Variants in RPAP2 observed in about 807,000 individuals in gnomAD.
RPAP2 encodes RNA polymerase II associated protein 2.
In RPAP2, 52 loss-of-function variants were observed where a neutral mutation model predicts 73.1. The observed-to-expected ratio is 0.71, with a 90% CI of 0.57 to 0.90. The LOEUF (loss-of-function observed/expected upper bound fraction) is 0.90, where lower values mean the gene tolerates loss of function less well. RPAP2 is among the 40% of genes least tolerant of loss of function. The probability of loss-of-function intolerance (pLI) is 0.00; values close to 1 mark genes in which losing one functional copy is unlikely to be tolerated. For missense variants in RPAP2, 598 were observed against 701.8 expected (o/e 0.85, Z 1.67); for synonymous variants, 225 against 242.1 (o/e 0.93, Z 0.65).
chr1:92,382,664 A>T lies in RPAP2; in HGVS notation c.1838+1791A>T, dbSNP rs528569550. On this transcript the variant is annotated intron_variant, in intron 12 of 12. Transcript: ENST00000610020. The stretch of plus-strand genomic sequence containing the variant: ...TGTTTGAGTTCATTGTAGATTCTGG[A>T]TATTAGCCCTTTGTCGATGAGTAGG... Among the ~76,000 whole-genome samples, 16 of 152,236 alleles carry T rather than the reference A, an allele frequency of 1.1e-4. No individual in the cohort carries two copies. In the East Asian group the frequency reaches 2.9e-3, roughly 28 times the overall value.
chr1:92,324,506 C>T, intron 8 of RPAP2, 131 bp downstream of exon 8: 2 of 730,744 alleles, frequency 2.7e-6, no homozygotes, highest in Non-Finnish European at 4.4e-6. Context: ...AGTCATTCTG[C>T]CTTTTGGTTT....
intron 7 of RPAP2, among the ~76,000 whole-genome samples, chr1:92,323,209 GAAT>G: frequency 6.6e-6 from 1 of 150,496 alleles, no homozygotes. Context: ...GATGAAGGAA[GAAT>G]ACAGAAGGAG....
At position 92,301,594 on chromosome 1, in the gene RPAP2, T is replaced by C. The variant is rs764090285; in HGVS notation, c.234+4T>C. ...AGAAGAGTTCCTAATGGAGTGTGTA[T>C]GTGTTAAGTTGACAAATTATTAGTT... On this transcript the variant is annotated splice_donor_region_variant and intron_variant, in intron 3 of 12. Transcript: ENST00000610020. 30 of 1,204,498 alleles carry C rather than the reference T, an allele frequency of 2.5e-5. No homozygotes were observed. The South Asian group carries it at 4.5e-4, about 18-fold the overall frequency. 74.6% of individuals were successfully genotyped at this position (1,204,498 alleles called of 1,614,324 possible).
At chr1:92,322,731 G>A (rs1652355861) in intron 7 of RPAP2, among the ~76,000 whole-genome samples, 1 of 151,364 alleles carries the variant, frequency 6.6e-6, no homozygotes, top group Admixed American at 6.6e-5. Context: ...ACAAAAATTA[G>A]CCAGGCGTGG....
intron 11 of RPAP2, among the ~76,000 whole-genome samples, chr1:92,359,931 G>A (rs555635945): frequency 4.6e-4 from 70 of 152,268 alleles, no homozygotes; most frequent in Non-Finnish European, 8.8e-4. Context: ...CAGACACTTT[G>A]AGCACCAACT....
intron 12 of RPAP2, among the ~76,000 whole-genome samples, chr1:92,384,003 A>C (rs1655760497): frequency 6.7e-6 from 1 of 150,264 alleles, no homozygotes; most frequent in Non-Finnish European, 1.5e-5. Flanking sequence ...CTCTGTTGCC[A>C]GGCTGGAATG....
intron 7 of RPAP2, among the ~76,000 whole-genome samples, chr1:92,323,026 T>G (rs952904061): frequency 2.0e-5 from 3 of 146,696 alleles, no homozygotes; most frequent in African/African-American, 7.4e-5. Context: ...CTTTATATTT[T>G]TATATATTTA....
chr1:92,358,270 C>T (rs1266411587), intron 11 of RPAP2, among the ~76,000 whole-genome samples: 4 of 152,098 alleles, frequency 2.6e-5, no homozygotes, highest in South Asian at 4.1e-4. Context: ...TCTCCCATTC[C>T]GGTCACTCTG....
rs1422219391 is a variant in RPAP2 at position 92,401,267 on chromosome 1, C to G, written c.*14256C>G. Reference sequence around the variant, plus strand: ...TCTGTAAAGATCAATTCAATAAAAGCAGCAAACACACATACTTTGCTTTCC... The same window carrying G: ...TCTGTAAAGATCAATTCAATAAAAGGAGCAAACACACATACTTTGCTTTCC... On this transcript the variant is annotated 3_prime_UTR_variant, in exon 13 of 13. Coordinates refer to ENST00000610020, the MANE Select transcript of RPAP2 (RefSeq NM_024813.3). 1 of 152,192 alleles carries G rather than the reference C, an allele frequency of 6.6e-6. No individual in the cohort carries two copies. The highest frequency in any genetic ancestry group is 1.9e-4 in the East Asian group (1 of 5,194). 9.4% of individuals were successfully genotyped at this position (152,192 alleles called of 1,614,324 possible). A position where few individuals can be genotyped will look rare whatever the true frequency, so the allele number is the denominator to read the frequency against.
chr1:92,383,008 C>T (rs1297575213), intron 12 of RPAP2, among the ~76,000 whole-genome samples: 1 of 152,146 alleles, frequency 6.6e-6, no homozygotes, highest in South Asian at 2.1e-4. Flanking sequence ...TTTCCCAGCA[C>T]CATTTATTAA....
chr1:92,335,230 T>G (rs1653211146), intron 9 of RPAP2, among the ~76,000 whole-genome samples: 1 of 152,164 alleles, frequency 6.6e-6, no homozygotes, highest in Non-Finnish European at 1.5e-5. Context: ...ATTATGCCAC[T>G]GCACTCCAGC....
chr1:92,342,246 T>A (rs1571092971), intron 10 of RPAP2, among the ~76,000 whole-genome samples: 2 of 151,902 alleles, frequency 1.3e-5, no homozygotes, highest in South Asian at 4.2e-4. Context: ...CGAAAGGAGG[T>A]AAGGGAGCAA....
intron 8 of RPAP2, among the ~76,000 whole-genome samples, chr1:92,329,241 C>T (rs539684671): frequency 8.5e-5 from 13 of 152,132 alleles, no homozygotes; most frequent in South Asian, 2.1e-4. Flanking sequence ...CCTTTGTCTT[C>T]GGCTACCAGG....
rs190826223 is a variant in RPAP2 at position 92,371,718 on chromosome 1, T to C, written c.1689-9006T>C. Reference sequence around the variant, plus strand: ...TACAAATACTGCACAATCTCACTTATATGTGGAATCTTAAAAAAAAAACCT... The same window carrying C: ...TACAAATACTGCACAATCTCACTTACATGTGGAATCTTAAAAAAAAAACCT... On this transcript the variant is annotated intron_variant, in intron 11 of 12. Transcript: ENST00000610020. Among the ~76,000 whole-genome samples the C allele has an allele frequency of 5.4e-3, 812 of 151,502 alleles. 2 individuals carry two copies. Among genetic ancestry groups the C allele is most frequent in the Non-Finnish European group, 8.6e-3 (584 of 67,838 alleles).
At chr1:92,354,139 T>A (rs1459502520) in intron 11 of RPAP2, among the ~76,000 whole-genome samples, 1 of 152,108 alleles carries the variant, frequency 6.6e-6, no homozygotes, top group African/African-American at 2.4e-5. Flanking sequence ...ACAGCCTTGA[T>A]TTTAGGAGCC....
intron 2 of RPAP2, among the ~76,000 whole-genome samples, chr1:92,301,166 T>C (rs571456821): frequency 6.6e-6 from 1 of 152,246 alleles, no homozygotes; most frequent in African/African-American, 2.4e-5. Context: ...TGAAAAGTAT[T>C]GGATCAAAAG....
chr1:92,372,511 A>ATCTC (rs1231459222), intron 11 of RPAP2, among the ~76,000 whole-genome samples: 2 of 152,226 alleles, frequency 1.3e-5, no homozygotes, highest in African/African-American at 4.8e-5. Context: ...TTTAAAGCTC[A>ATCTC]TCTCACACCT....
intron 11 of RPAP2, among the ~76,000 whole-genome samples, chr1:92,359,646 C>G (rs910987726): frequency 1.3e-5 from 2 of 152,176 alleles, no homozygotes; most frequent in Non-Finnish European, 2.9e-5. Context: ...ACCTGTTTTG[C>G]AAGTGCTGAG....
At chr1:92,378,740 A>AG (rs1655495482) in intron 11 of RPAP2, among the ~76,000 whole-genome samples, 1 of 152,232 alleles carries the variant, frequency 6.6e-6, no homozygotes, top group Non-Finnish European at 1.5e-5. Flanking sequence ...AAAATGCCTC[A>AG]GAAAAAAAGC....
Sources: gnomAD v4.1 joint callset for allele counts (sites outside exome capture counted in the v4.1 genomes callset) on GRCh38, gnomAD v4.1.1 for gene constraint, MANE v1.5 for transcripts, NCBI Gene and HGNC (gene_info 2026-07-23, HGNC 2026-07-21) for gene names.